Variants in GPHN observed in about 807,000 individuals in gnomAD.
The protein encoded by GPHN is gephyrin.
A neutral mutation model predicts 95.5 loss-of-function variants in GPHN; 17 were observed. That is an observed-to-expected ratio of 0.18 (90% CI 0.12 to 0.27). The LOEUF is 0.27. Ranked by LOEUF, GPHN falls within the 10% of genes least tolerant of loss-of-function variation. The pLI, the probability that GPHN is intolerant of heterozygous loss-of-function variation, is 1.00. For synonymous variants in GPHN, 320 were observed against 322.5 expected, an observed-to-expected ratio of 0.99 and a Z score of 0.08; for missense variants, 660 against 978.1, an observed-to-expected ratio of 0.67 and a Z score of 4.34.
chr14:66,617,055 G>A (rs2063074876), intron 1 of GPHN, among the ~76,000 whole-genome samples: 1 of 152,166 alleles, frequency 6.6e-6, no homozygotes, highest in Non-Finnish European at 1.5e-5. Flanking sequence ...CATTGGTGGA[G>A]GGGTTATGCT....
chr14:67,561,077 C>G, the GPHN span, among the ~76,000 whole-genome samples: 1 of 152,158 alleles, frequency 6.6e-6, no homozygotes, highest in Non-Finnish European at 1.5e-5. Context: ...TGGTTCACAC[C>G]TGCAGGAGGG....
At chr14:67,126,578 A>C (rs2079331891) in intron 17 of GPHN, among the ~76,000 whole-genome samples, 1 of 152,214 alleles carries the variant, frequency 6.6e-6, no homozygotes, top group South Asian at 2.1e-4. Context: ...AAGACAGGTA[A>C]ATTGAGTAGA....
chr14:66,835,841 A>G (rs1388014131), intron 4 of GPHN, among the ~76,000 whole-genome samples: 1 of 152,052 alleles, frequency 6.6e-6, no homozygotes, highest in Admixed American at 6.6e-5. Context: ...TCCCATTCAC[A>G]ATTGCTTCAA....
chr14:67,016,114 T>C (rs1277712735), intron 9 of GPHN, among the ~76,000 whole-genome samples: 1 of 152,176 alleles, frequency 6.6e-6, no homozygotes, highest in Non-Finnish European at 1.5e-5. Context: ...AAAGGTTTCA[T>C]ATAGCTATAA....
chr14:67,458,340 C>A, the GPHN span, among the ~76,000 whole-genome samples: 1 of 152,140 alleles, frequency 6.6e-6, no homozygotes, highest in Non-Finnish European at 1.5e-5. Flanking sequence ...CTCATAATAA[C>A]CCCTGCCAAC....
chr14:66,924,026 A>AG (rs1336546128), intron 7 of GPHN, among the ~76,000 whole-genome samples, 168 bp from the exon 8 acceptor site: 1 of 152,176 alleles, frequency 6.6e-6, no homozygotes, highest in Non-Finnish European at 1.5e-5. Context: ...TTAGGAGAGA[A>AG]GCTTATGGCA....
the GPHN span, among the ~76,000 whole-genome samples, chr14:67,482,949 A>G: frequency 5.9e-5 from 9 of 152,192 alleles, no homozygotes; most frequent in Non-Finnish European, 1.2e-4. Context: ...TAACTCAAAA[A>G]ATTCTCAAGC....
At chr14:67,446,194 C>T in the GPHN span, 1 of 373,564 alleles carries the variant, frequency 2.7e-6, no homozygotes, top group South Asian at 2.1e-5. Context: ...AATTGCTCCC[C>T]TCTTGGGCTT....
the GPHN span, among the ~76,000 whole-genome samples, chr14:67,540,011 T>G: frequency 4.4e-3 from 677 of 152,354 alleles, 17 homozygotes; most frequent in East Asian, 0.062. Flanking sequence ...AGGCTAACTT[T>G]GCACTGTGGT....
chr14:67,364,819 G>A, the GPHN span: 1 of 1,613,974 alleles, frequency 6.2e-7, no homozygotes. Flanking sequence ...TGAGGTGGAA[G>A]ATGTAGTGAT....
At chr14:67,436,879 G>A in the GPHN span, among the ~76,000 whole-genome samples, 2 of 152,216 alleles carry the variant, frequency 1.3e-5, no homozygotes, top group South Asian at 4.1e-4. Context: ...AACAGAGTGA[G>A]ACCCCATCTC....
the GPHN span, chr14:67,578,256 G>A: frequency 6.7e-7 from 1 of 1,492,016 alleles, no homozygotes; most frequent in East Asian, 2.3e-5. The surrounding 1 kb of genome is among the most constrained non-coding windows in gnomAD (Gnocchi z 5.0). Context: ...GCTGCCAGGT[G>A]GGAAAGGTGG....
the GPHN span, among the ~76,000 whole-genome samples, chr14:67,444,002 TG>T: frequency 6.6e-6 from 1 of 152,210 alleles, no homozygotes; most frequent in Non-Finnish European, 1.5e-5. Context: ...TATATCTGAT[TG>T]CCTTCTTTGG....
At chr14:67,030,795 A>G (rs541277907) in intron 10 of GPHN, among the ~76,000 whole-genome samples, 1 of 152,260 alleles carries the variant, frequency 6.6e-6, no homozygotes, top group South Asian at 2.1e-4. Context: ...TTGTTCCCTG[A>G]TACCATTACC....
chr14:66,660,976 G>C (rs1055490127), intron 1 of GPHN, among the ~76,000 whole-genome samples: 18 of 152,264 alleles, frequency 1.2e-4, no homozygotes, highest in African/African-American at 4.3e-4. Context: ...CCTTCGGTCT[G>C]ACACACAGAA....
At chr14:66,996,088 G>A in intron 9 of GPHN, 1 of 810,622 alleles carries the variant, frequency 1.2e-6, no homozygotes, top group Non-Finnish European at 2.1e-6. Context: ...CAAGTGTGTT[G>A]GTGATGGAGC....
the GPHN span, among the ~76,000 whole-genome samples, chr14:67,584,360 C>A: frequency 2.0e-5 from 3 of 146,640 alleles, no homozygotes; most frequent in African/African-American, 8.2e-5. Context: ...AACTAATTCA[C>A]ACACACAAAG....
chr14:67,570,611 ACT>A, the GPHN span: 1 of 152,686 alleles, frequency 6.5e-6, no homozygotes, highest in Non-Finnish European at 1.5e-5. Flanking sequence ...TATGCAGCAC[ACT>A]CTCACTGTCT....
chr14:66,679,136 C>T (rs1305166390), intron 1 of GPHN, among the ~76,000 whole-genome samples: 1 of 152,236 alleles, frequency 6.6e-6, no homozygotes, highest in African/African-American at 2.4e-5. Flanking sequence ...GTAGTTGTAG[C>T]AGGCCCTGGT....
Sources: allele counts gnomAD v4.1 joint callset (sites outside exome capture counted in the v4.1 genomes callset), GRCh38; gene constraint gnomAD v4.1.1; non-coding constraint Gnocchi (gnomAD v3.1); transcripts MANE v1.5; gene names NCBI Gene and HGNC (gene_info 2026-07-23, HGNC 2026-07-21).